The following KCNQ5 variants were observed in gnomAD, a reference collection of about 807,000 sequenced individuals.
The protein encoded by KCNQ5 is potassium voltage-gated channel subfamily KQT member 5.
KCNQ5 carries 30 observed loss-of-function variants against 98.2 expected under a neutral mutation model. The ratio of observed to expected loss-of-function variants is 0.31; its 90% confidence interval spans 0.23 to 0.41. KCNQ5 has a LOEUF of 0.41. Among genes scored for constraint, KCNQ5 ranks in the 10% least tolerant of loss-of-function variants. The probability of loss-of-function intolerance (pLI) is 1.00; values close to 1 mark genes in which losing one functional copy is unlikely to be tolerated. For synonymous variants in KCNQ5, 458 were observed against 449.4 expected (o/e 1.02, Z -0.24); for missense variants, 835 against 1,182.5 (o/e 0.71, Z 4.31).
At chr6:72,950,839 C>T (rs376246585) in intron 1 of KCNQ5, among the ~76,000 whole-genome samples, 3 of 152,166 alleles carry the variant, frequency 2.0e-5, no homozygotes, top group East Asian at 3.8e-4. Flanking sequence ...CGCTTTTTGC[C>T]TATCATGATG....
At chr6:73,117,136 C>A (rs1261257797) in intron 7 of KCNQ5, among the ~76,000 whole-genome samples, 1 of 152,096 alleles carries the variant, frequency 6.6e-6, no homozygotes, top group African/African-American at 2.4e-5. Context: ...ATAGGAAATC[C>A]CTCTAAGTGT....
chr6:72,775,496 A>G (rs1773115915), intron 1 of KCNQ5, among the ~76,000 whole-genome samples: 1 of 152,222 alleles, frequency 6.6e-6, no homozygotes, highest in African/African-American at 2.4e-5. Flanking sequence ...ATTTATGTAG[A>G]TAACCCCCAT....
chr6:73,037,260 G>T (rs185382410), intron 2 of KCNQ5, among the ~76,000 whole-genome samples: 1 of 152,130 alleles, frequency 6.6e-6, no homozygotes, highest in Admixed American at 6.5e-5. Flanking sequence ...ACATATTTTA[G>T]ATATTAGTCC....
Position 73,000,629 on chromosome 6 carries a change from CT to C in KCNQ5, c.399-3276del, listed in dbSNP as rs1355564204. ...TCCTGACTTGTACAGTCATCTCAGA[CT>C]TTCCAGCCACCACACCCGCTTCCCA... On this transcript the variant is annotated intron_variant, in intron 1 of 13. Transcript: ENST00000370398. 5.3e-4 allele frequency among the ~76,000 whole-genome samples: 81 copies of C among 152,288 alleles called. 1 individual carries two copies. The highest frequency in any genetic ancestry group is 1.6e-4 in the Non-Finnish European group (11 of 68,008).
At chr6:73,001,555 T>C (rs917100118) in intron 1 of KCNQ5, among the ~76,000 whole-genome samples, 3 of 152,116 alleles carry the variant, frequency 2.0e-5, no homozygotes, top group Non-Finnish European at 4.4e-5. Flanking sequence ...ATCTTAATGA[T>C]TAAATAATCC....
chr6:72,854,436 A>G (rs1044965359), intron 1 of KCNQ5, among the ~76,000 whole-genome samples: 3 of 151,968 alleles, frequency 2.0e-5, no homozygotes, highest in African/African-American at 7.2e-5. Flanking sequence ...TATTAGAAAA[A>G]AAATTTCTTT....
intron 2 of KCNQ5, among the ~76,000 whole-genome samples, chr6:73,036,792 A>G (rs1425143528): frequency 6.6e-6 from 1 of 152,162 alleles, no homozygotes; most frequent in Non-Finnish European, 1.5e-5. Flanking sequence ...CATTATGAAT[A>G]CTTCTTCTGT....
chr6:73,067,766 C>A lies in KCNQ5; in HGVS notation c.617-9556C>A, dbSNP rs553688086. On this transcript the variant is annotated intron_variant, in intron 3 of 13. Transcript: ENST00000370398. ...TAAATTACCTTGGCCAATGTACTAA[C>A]CTTTCTAGGCCATAGCTTCTTTTTT... Among the ~76,000 whole-genome samples, 32 of 152,054 alleles carry A rather than the reference C, an allele frequency of 2.1e-4. No homozygotes were observed. The South Asian group carries it at 6.6e-3, about 32-fold the overall frequency.
At chr6:72,713,235 A>G (rs1214128685) in intron 1 of KCNQ5, among the ~76,000 whole-genome samples, 2 of 152,160 alleles carry the variant, frequency 1.3e-5, no homozygotes, top group East Asian at 1.9e-4. Flanking sequence ...ATGTTTCCAC[A>G]TGAAAGCCAA....
chr6:72,999,809 G>C (rs1411296776), intron 1 of KCNQ5, among the ~76,000 whole-genome samples: 1 of 152,168 alleles, frequency 6.6e-6, no homozygotes, highest in Non-Finnish European at 1.5e-5. Flanking sequence ...ATCTTGAAAT[G>C]ATGAGCAAAA....
At chr6:72,978,524 T>G (rs1768268276) in intron 1 of KCNQ5, among the ~76,000 whole-genome samples, 1 of 152,256 alleles carries the variant, frequency 6.6e-6, no homozygotes, top group South Asian at 2.1e-4. Context: ...CTCAGACTTC[T>G]GATAGGGACT....
chr6:72,719,526 A>C (rs1769835616), intron 1 of KCNQ5, among the ~76,000 whole-genome samples: 1 of 152,242 alleles, frequency 6.6e-6, no homozygotes, highest in Non-Finnish European at 1.5e-5. Flanking sequence ...AAACCTGGAT[A>C]CTAAATGGCC....
At chr6:72,683,222 A>G (rs905208847) in intron 1 of KCNQ5, among the ~76,000 whole-genome samples, 31 of 152,176 alleles carry the variant, frequency 2.0e-4, no homozygotes, top group Admixed American at 2.0e-3. Flanking sequence ...CTTTGCTGTC[A>G]GACTTTCTGA....
At chr6:72,931,736 G>GA (rs1221265462) in intron 1 of KCNQ5, among the ~76,000 whole-genome samples, 2 of 152,138 alleles carry the variant, frequency 1.3e-5, no homozygotes, top group Non-Finnish European at 2.9e-5. Context: ...GAGGCATTTA[G>GA]ACACCCAGGG....
chr6:72,941,540 T>C (rs374731352), intron 1 of KCNQ5, among the ~76,000 whole-genome samples: 12 of 43,476 alleles, frequency 2.8e-4, no homozygotes, highest in African/African-American at 5.6e-4. Context: ...CCTTCCCTCC[T>C]TCCTTTCCTT....
chr6:73,086,558 C>T (rs1331082686), intron 5 of KCNQ5, among the ~76,000 whole-genome samples: 1 of 152,104 alleles, frequency 6.6e-6, no homozygotes, highest in African/African-American at 2.4e-5. Context: ...AGTTCTTGCC[C>T]TCTACATCTC....
intron 2 of KCNQ5, among the ~76,000 whole-genome samples, chr6:73,038,609 T>A (rs7752262): frequency 4.0e-5 from 6 of 151,204 alleles, no homozygotes; most frequent in South Asian, 2.1e-4. Context: ...ATGCTATTTC[T>A]TCATCAATTT....
At chr6:73,131,886 G>A (rs893750431) in intron 9 of KCNQ5, among the ~76,000 whole-genome samples, 2 of 152,182 alleles carry the variant, frequency 1.3e-5, no homozygotes, top group Non-Finnish European at 2.9e-5. Context: ...TGTGCCTTCA[G>A]CGAGTCATGC....
intron 1 of KCNQ5, among the ~76,000 whole-genome samples, chr6:72,806,453 G>C (rs1215612646): frequency 6.6e-6 from 1 of 152,064 alleles, no homozygotes; most frequent in Non-Finnish European, 1.5e-5. Flanking sequence ...GGGAAATCTA[G>C]AAGACATATT....
Sources: gnomAD v4.1 joint callset for allele counts (sites outside exome capture counted in the v4.1 genomes callset) on GRCh38, gnomAD v4.1.1 for gene constraint, MANE v1.5 for transcripts, NCBI Gene and HGNC (gene_info 2026-07-23, HGNC 2026-07-21) for gene names.